Variants in TENM1 observed in about 807,000 individuals in gnomAD.
TENM1 encodes teneurin transmembrane protein 1, also known as teneurin-1.
A neutral mutation model predicts 174.8 loss-of-function variants in TENM1; 35 were observed. The ratio of observed to expected loss-of-function variants is 0.20; its 90% CI spans 0.15 to 0.27. The LOEUF is 0.27. TENM1 is among the 10% of genes least tolerant of loss of function. The probability of loss-of-function intolerance (pLI) is 1.00; values close to 1 mark genes in which losing one functional copy is unlikely to be tolerated. For synonymous variants in TENM1, 781 were observed against 798.7 expected, an observed-to-expected ratio of 0.98 and a Z score of 0.37; for missense variants, 1,633 against 2,130.1, an observed-to-expected ratio of 0.77 and a Z score of 4.59.
intron 27 of TENM1, among the ~76,000 whole-genome samples, chrX:124,399,399 G>A (rs1223818016): frequency 8.9e-6 from 1 of 111,806 alleles, no homozygotes; most frequent in Non-Finnish European, 1.9e-5. Context: ...TTTTATAGAT[G>A]AGAAAAGTGC....
chrX:124,822,468 A>G (rs2056060812), intron 3 of TENM1, among the ~76,000 whole-genome samples: 2 of 112,262 alleles, frequency 1.8e-5, no homozygotes, highest in Admixed American at 1.9e-4. Flanking sequence ...CACTTGTGCC[A>G]AAGTACTCCT....
rs973097585 is a variant in TENM1, at chrX:124,940,473, T to A, written c.217+23064A>T. 3.6e-5 allele frequency among the ~76,000 whole-genome samples: 4 copies of A among 111,994 alleles called. No individual in the cohort carries two copies. The South Asian group carries it at 1.5e-3, about 42-fold the overall frequency. On this transcript the variant is annotated intron_variant, in intron 1 of 31. Transcript: ENST00000422452. ...AGTCATATCCTTGCCCTTTCTACAG[T>A]TTGCTATTCTAAACTTTCTTTTGTT...
intron 1 of TENM1, among the ~76,000 whole-genome samples, chrX:124,901,260 T>C (rs148260483): frequency 0.067 from 7,441 of 111,014 alleles, 262 homozygotes; most frequent in Non-Finnish European, 0.1. Context: ...AGAGCTGGTC[T>C]GGCACATAGG....
intron 4 of TENM1, among the ~76,000 whole-genome samples, chrX:124,725,152 C>A (rs1355155647): frequency 1.8e-5 from 2 of 110,978 alleles, no homozygotes; most frequent in African/African-American, 6.6e-5. Context: ...GACTCCTCTC[C>A]CCGTTTTCCC....
At chrX:124,567,853 A>G (rs2048974509) in intron 11 of TENM1, among the ~76,000 whole-genome samples, 1 of 111,729 alleles carries the variant, frequency 9.0e-6, no homozygotes, top group South Asian at 3.8e-4. Context: ...AACTGAACTG[A>G]AAGGGCCTTT....
intron 3 of TENM1, among the ~76,000 whole-genome samples, chrX:124,863,849 G>A (rs1308191940): frequency 8.9e-6 from 1 of 112,652 alleles, no homozygotes; most frequent in African/African-American, 3.2e-5. Flanking sequence ...CATAGTGGTG[G>A]TGGCCACAGA....
At chrX:124,623,254 TGA>T (rs777458738) in intron 11 of TENM1, among the ~76,000 whole-genome samples, 4 of 110,907 alleles carry the variant, frequency 3.6e-5, no homozygotes, top group South Asian at 7.6e-4. Context: ...TGTGATTGTG[TGA>T]GTGTGCATAT....
At chrX:124,843,477 TC>T (rs953546970) in intron 3 of TENM1, among the ~76,000 whole-genome samples, 1 of 110,143 alleles carries the variant, frequency 9.1e-6, no homozygotes, top group Non-Finnish European at 1.9e-5. Flanking sequence ...TCCCGTTGCC[TC>T]CCCCCCTCCC....
At chrX:124,746,369 ATCT>A (rs1265988291) in intron 3 of TENM1, among the ~76,000 whole-genome samples, 1 of 111,424 alleles carries the variant, frequency 9.0e-6, no homozygotes, top group Non-Finnish European at 1.9e-5. Context: ...ACAAATTTTC[ATCT>A]TCTTGTTTTT....
chrX:125,052,619 A>T, the TENM1 span, among the ~76,000 whole-genome samples: 1 of 111,558 alleles, frequency 9.0e-6, no homozygotes, highest in East Asian at 2.8e-4. Context: ...TTAAAGACAC[A>T]ATAAGAGTAA....
chrX:124,931,406 G>A (rs1370991336), intron 1 of TENM1, among the ~76,000 whole-genome samples: 1 of 111,159 alleles, frequency 9.0e-6, no homozygotes, highest in Non-Finnish European at 1.9e-5. Context: ...GGAAAAGAGA[G>A]TTACCTGGGG....
intron 19 of TENM1, among the ~76,000 whole-genome samples, chrX:124,501,505 A>C: frequency 8.9e-6 from 1 of 112,245 alleles, no homozygotes; most frequent in Non-Finnish European, 1.9e-5. Flanking sequence ...CATCCAGTCT[A>C]ATTACAGGTG....
At chrX:125,129,745 G>A in the TENM1 span, among the ~76,000 whole-genome samples, 1 of 111,019 alleles carries the variant, frequency 9.0e-6, no homozygotes, top group Admixed American at 9.7e-5. Flanking sequence ...ATGACCTCCA[G>A]TTCCATCCAT....
At chrX:125,009,627 T>A in the TENM1 span, among the ~76,000 whole-genome samples, 1 of 111,354 alleles carries the variant, frequency 9.0e-6, no homozygotes, top group African/African-American at 3.3e-5. Flanking sequence ...GATTTGAAAA[T>A]CCTCAATAAA....
At chrX:124,686,163 C>T (rs1350074597) in intron 5 of TENM1, among the ~76,000 whole-genome samples, 5 of 109,768 alleles carry the variant, frequency 4.6e-5, no homozygotes, top group Admixed American at 1.9e-4. Context: ...GATTTCTCGG[C>T]AGAAACTCTG....
At chrX:124,412,161 A>G (rs1032030400) in intron 25 of TENM1, 1 of 112,865 alleles carries the variant, frequency 8.9e-6, no homozygotes, top group African/African-American at 3.2e-5. Flanking sequence ...TGATGGTCTC[A>G]GAGGGTACCA....
intron 22 of TENM1, among the ~76,000 whole-genome samples, chrX:124,474,626 G>GT (rs1401272689): frequency 2.7e-5 from 3 of 112,321 alleles, no homozygotes; most frequent in Non-Finnish European, 5.6e-5. Flanking sequence ...AAGGCTAGAT[G>GT]TAAGTGCCTT....
chrX:124,937,341 TCTC>T (rs1349079295), intron 1 of TENM1, among the ~76,000 whole-genome samples: 2 of 111,826 alleles, frequency 1.8e-5, no homozygotes, highest in Non-Finnish European at 3.8e-5. Context: ...TATGTTTATT[TCTC>T]CTGTCTAGAC....
chrX:124,396,596 G>A (rs141949742), intron 27 of TENM1, among the ~76,000 whole-genome samples: 138 of 110,855 alleles, frequency 1.2e-3, no homozygotes, highest in African/African-American at 4.0e-3. Flanking sequence ...GAGCCACCAC[G>A]CCAGGCCTCC....
Sources: allele counts gnomAD v4.1 joint callset (sites outside exome capture counted in the v4.1 genomes callset), GRCh38; gene constraint gnomAD v4.1.1; transcripts MANE v1.5; gene names NCBI Gene and HGNC (gene_info 2026-07-23, HGNC 2026-07-21).